SYDE2: variants seen among roughly 807,000 people sequenced by gnomAD.
SYDE2 encodes the protein rho GTPase-activating protein SYDE2.
Under a neutral mutation model 91.5 loss-of-function variants are expected in SYDE2, and 76 were observed. The ratio of observed to expected loss-of-function variants is 0.83; its 90% CI spans 0.69 to 1.01. The LOEUF (loss-of-function observed/expected upper bound fraction) is 1.01. Ranked by LOEUF, SYDE2 falls within the 50% of genes least tolerant of loss-of-function variation. SYDE2 has a pLI of 0.00. For synonymous variants in SYDE2, 513 were observed against 506.4 expected (o/e 1.01, Z -0.18); for missense variants, 1,364 against 1,367.7 (o/e 1.00, Z 0.04).
At chr1:85,199,649 G>A (rs1316113002) in intron 1 of SYDE2, among the ~76,000 whole-genome samples, 1 of 151,974 alleles carries the variant, frequency 6.6e-6, no homozygotes, top group Non-Finnish European at 1.5e-5. Context: ...GGAGGCAGGT[G>A]GAGAGATGGT....
At chr1:85,188,989 T>C (rs1658258004) in intron 2 of SYDE2, among the ~76,000 whole-genome samples, 1 of 152,230 alleles carries the variant, frequency 6.6e-6, no homozygotes, top group South Asian at 2.1e-4. Context: ...CTTTCTATTC[T>C]ACATTTGATA....
At position 85,182,700 on chromosome 1, in the gene SYDE2, T is replaced by G. The variant is rs758035490; in HGVS notation, c.1942A>C (p.Ile648Leu). 6.2e-7 allele frequency: 1 copy of G among 1,613,746 alleles called. No homozygotes were observed. Among genetic ancestry groups the G allele is most frequent in the South Asian group, 1.1e-5 (1 of 91,034 alleles). ...SENKFGKGKE[I>L]ISNSCSKNEI... ...TTCTTGCTACAACTATTTGAAATTA[T>G]TTCTTTTCCTTTTCCAAATTTGTTT... The change falls in exon 3 of 7, where the codon ATA becomes CTA. Residue 648 changes from isoleucine to leucine, a missense_variant. Coordinates refer to ENST00000341460, the MANE Select transcript of SYDE2 (RefSeq NM_032184.2).
intron 6 of SYDE2, chr1:85,160,979 T>A (rs1657033869): frequency 9.2e-6 from 9 of 980,858 alleles, no homozygotes; most frequent in Non-Finnish European, 1.1e-5. Context: ...ACTAAAAATT[T>A]CAATTTCTGA....
At chr1:85,174,976 A>T (rs1657640622) in intron 4 of SYDE2, among the ~76,000 whole-genome samples, 2 of 152,194 alleles carry the variant, frequency 1.3e-5, no homozygotes, top group Non-Finnish European at 2.9e-5. Context: ...GTTTTCCGTG[A>T]ATGGCAAATA....
At chr1:85,200,201 G>A in intron 1 of SYDE2, 51 bp downstream of exon 1, 1 of 1,611,118 alleles carries the variant, frequency 6.2e-7, no homozygotes, top group Non-Finnish European at 8.5e-7. Context: ...AAGCCCAGTC[G>A]GTAAACAGTA....
chr1:85,160,210 C>CG, intron 6 of SYDE2: 1 of 978,304 alleles, frequency 1.0e-6, no homozygotes, highest in Non-Finnish European at 1.2e-6. Context: ...GATAACACAC[C>CG]AACTTTATAC....
chr1:85,191,322 C>T (rs1300252935), intron 1 of SYDE2, among the ~76,000 whole-genome samples: 1 of 152,076 alleles, frequency 6.6e-6, no homozygotes, highest in Non-Finnish European at 1.5e-5. Context: ...GAACTAAAAA[C>T]AAAAATCCCT....
intron 1 of SYDE2, among the ~76,000 whole-genome samples, chr1:85,197,939 C>G (rs549197667): frequency 1.3e-5 from 2 of 152,310 alleles, no homozygotes; most frequent in Non-Finnish European, 2.9e-5. Flanking sequence ...CAGGCATGAG[C>G]CACTGCGCCC....
chr1:85,183,037 C>T lies in SYDE2; in HGVS notation c.1605G>A (p.Lys535=). 12 of 1,613,162 alleles carry T rather than the reference C, an allele frequency of 7.4e-6. No individual in the cohort carries two copies. In the African/African-American group the frequency reaches 1.1e-4, roughly 14 times the overall value. Residue 535 remains lysine, a synonymous_variant, in exon 3 of 7, where the codon AAG becomes AAA. Transcript: ENST00000341460. ...TTAGCTTTCGGCTAAATTCTGGCAA[C>T]TTTTTCATTTTCATGGAAAGTTTCC... ...TVRKLSMKMK[K]LPEFSRKLSV...
At chr1:85,160,284 A>G in intron 6 of SYDE2, 2 of 938,066 alleles carry the variant, frequency 2.1e-6, no homozygotes, top group Non-Finnish European at 1.3e-6. Flanking sequence ...AAAACTATAA[A>G]AACATATATA....
In SYDE2 at chr1:85,178,290, G is replaced by GC; in HGVS notation, c.2545-19dup. On this transcript the variant is annotated intron_variant, in intron 3 of 6. Transcript: ENST00000341460. ...CCTACTACCTAGGAATAAAATTATG[G>GC]CCACATTACAGTAAATTTGATAAAG... is the stretch of plus-strand genomic sequence containing the variant. The GC allele has an allele frequency of 6.5e-7, 1 of 1,549,394 alleles. No homozygotes were observed. The highest frequency in any genetic ancestry group is 8.7e-7 in the Non-Finnish European group (1 of 1,148,678).
rs753512166 is a variant in SYDE2, at chr1:85,190,351, T to C, written c.1147A>G (p.Ile383Val). ...TCACCAAAACTCAAGGCACTTGATA[T>C]ACCAAGGTCATCATCCTCAGGAATG... ...NPIPEDDDLG[I>V]SSALSFGEAD... The change falls in exon 2 of 7, where the codon ATA becomes GTA. Residue 383 changes from isoleucine to valine, a missense_variant. By Grantham distance (29) the Ile-to-Val change is conservative. Transcript: ENST00000341460. The C allele has an allele frequency of 1.2e-6, 2 of 1,613,986 alleles. No individual in the cohort carries two copies. The highest frequency in any genetic ancestry group is 1.7e-6 in the Non-Finnish European group (2 of 1,179,880).
chr1:85,197,359 A>C (rs557154850), intron 1 of SYDE2, among the ~76,000 whole-genome samples: 2 of 152,332 alleles, frequency 1.3e-5, no homozygotes, highest in South Asian at 4.1e-4. Context: ...CACAATACCT[A>C]TATGAAGTAT....
chr1:85,162,920 C>G (rs772946432), intron 6 of SYDE2, among the ~76,000 whole-genome samples: 3 of 152,102 alleles, frequency 2.0e-5, no homozygotes, highest in Non-Finnish European at 4.4e-5. Context: ...ACACAGTTGA[C>G]ACTCTGAAAG....
intron 5 of SYDE2, among the ~76,000 whole-genome samples, chr1:85,165,119 G>T (rs371135415): frequency 6.6e-6 from 1 of 151,964 alleles, no homozygotes; most frequent in East Asian, 1.9e-4. Context: ...CTACGATCCC[G>T]GCTACTCGGG....
At chr1:85,197,798 G>A (rs955349986) in intron 1 of SYDE2, among the ~76,000 whole-genome samples, 9 of 151,986 alleles carry the variant, frequency 5.9e-5, no homozygotes, top group South Asian at 2.1e-4. Context: ...GGGACTACAG[G>A]CACCCACCAC....
intron 5 of SYDE2, among the ~76,000 whole-genome samples, chr1:85,167,009 G>C (rs767573064): frequency 6.6e-6 from 1 of 152,034 alleles, no homozygotes; most frequent in Non-Finnish European, 1.5e-5. Context: ...TCAGGAGTTC[G>C]AGACTAGCCT....
At position 85,158,847 on chromosome 1, in the gene SYDE2, C is replaced by A. The variant is rs775631372; in HGVS notation, c.3488G>T (p.Arg1163Leu). 2.6e-6 allele frequency: 2 copies of A among 774,928 alleles called. No homozygotes were observed. Among genetic ancestry groups the A allele is most frequent in the Non-Finnish European group, 4.8e-6 (2 of 416,244 alleles). 48.0% of individuals were successfully genotyped at this position (774,928 alleles called of 1,614,324 possible). ...TMQTVESTVD[R>L]KNNLKDLQES... ...TTGTAGATCTTTGAGATTGTTTTTTCGATCCACTGTAGACTCAACTGTCTG... is the reference window on the plus strand; with the variant it reads ...TTGTAGATCTTTGAGATTGTTTTTTAGATCCACTGTAGACTCAACTGTCTG... The change falls in exon 7 of 7, where the codon CGA (arginine) becomes CTA (leucine). Residue 1163 changes from arginine (R) to leucine (L), a missense_variant. By Grantham distance (102) the Arg-to-Leu change is moderately radical. Transcript: ENST00000341460.
At chr1:85,179,585 A>T (rs1657832957) in intron 3 of SYDE2, among the ~76,000 whole-genome samples, 1 of 152,212 alleles carries the variant, frequency 6.6e-6, no homozygotes, top group Non-Finnish European at 1.5e-5. Flanking sequence ...AAAAAATTCA[A>T]ATTTCCTACC....
Sources: allele counts gnomAD v4.1 joint callset (sites outside exome capture counted in the v4.1 genomes callset), GRCh38; gene constraint gnomAD v4.1.1; transcripts MANE v1.5; gene names NCBI Gene and HGNC (gene_info 2026-07-23, HGNC 2026-07-21).